ANKRD2: variants seen among roughly 807,000 people sequenced by gnomAD.
The protein encoded by ANKRD2 is ankyrin repeat domain-containing protein 2.
Under a neutral mutation model 37.3 loss-of-function variants are expected in ANKRD2, and 35 were observed. The ratio of observed to expected loss-of-function variants is 0.94; its 90% CI spans 0.72 to 1.24. The LOEUF (loss-of-function observed/expected upper bound fraction) is 1.24, where lower values mean the gene tolerates loss of function less well. Among genes scored for constraint, ANKRD2 ranks in the 50% most tolerant of loss-of-function variants. The probability of loss-of-function intolerance (pLI) is 0.00; values close to 1 mark genes in which losing one functional copy is unlikely to be tolerated. For synonymous variants in ANKRD2, 159 were observed against 186.5 expected, an observed-to-expected ratio of 0.85 and a Z score of 1.20; for missense variants, 410 against 445.6, an observed-to-expected ratio of 0.92 and a Z score of 0.72.
rs908442820 is a variant in ANKRD2 at position 97,578,325 on chromosome 10, G to T, written c.275G>T (p.Arg92Leu). 4 of 1,613,412 alleles carry T rather than the reference G, an allele frequency of 2.5e-6. No individual in the cohort carries two copies. Among genetic ancestry groups the T allele is most frequent in the African/African-American group, 2.7e-5 (2 of 74,994 alleles). ...GGGATCCAGAACCTCATCGAGCTGC[G>T]GAAGAAACGCAAGCAGAAGAAGCGG... ...VGGIQNLIEL[R>L]KKRKQKKRDA... Residue 92 changes from arginine to leucine, a missense_variant, in exon 3 of 9, where the codon CGG (arginine) becomes CTG (leucine). Arg to Leu is a moderately radical substitution (Grantham distance 102). Coordinates refer to ENST00000370655, the MANE Select transcript of ANKRD2 (RefSeq NM_001346793.2).
chr10:97,573,269 G>A (rs1328134763), intron 1 of ANKRD2, among the ~76,000 whole-genome samples: 3 of 152,152 alleles, frequency 2.0e-5, no homozygotes, highest in Admixed American at 6.5e-5. Flanking sequence ...TTTGGCCAGT[G>A]AAGAAGAGAG....
rs1431188953 is a variant in ANKRD2, at chr10:97,577,886, C to T, written c.174C>T (p.Ala58=). The T allele has an allele frequency of 6.4e-7, 1 of 1,565,084 alleles. No individual in the cohort carries two copies. The highest frequency in any genetic ancestry group is 8.7e-7 in the Non-Finnish European group (1 of 1,155,058). ...DEKHHGAQSA[A]LQKVKGQERV... is the part of the protein sequence containing the mutation. ...AGCACCACGGGGCTCAGAGTGCAGCCCTGCAGAAGGTGAAGGTAAGCCTGG... is the reference window on the plus strand; with the variant it reads ...AGCACCACGGGGCTCAGAGTGCAGCTCTGCAGAAGGTGAAGGTAAGCCTGG... Residue 58 remains alanine, a synonymous_variant, in exon 2 of 9, where the codon GCC becomes GCT. Transcript: ENST00000370655.
chr10:97,580,084 A>C (rs2040878139), intron 4 of ANKRD2, among the ~76,000 whole-genome samples: 1 of 152,156 alleles, frequency 6.6e-6, no homozygotes, highest in African/African-American at 2.4e-5. Flanking sequence ...TCTGTTCTTT[A>C]GACTCCAGAG....
intron 5 of ANKRD2, 65 bp from the exon 6 acceptor site, chr10:97,581,251 G>C: frequency 6.6e-7 from 1 of 1,519,146 alleles, no homozygotes; most frequent in Non-Finnish European, 9.1e-7. Context: ...CCTGGCTGGG[G>C]TACATTACCC....
chr10:97,581,907 G>T (rs796343094), intron 6 of ANKRD2, among the ~76,000 whole-genome samples: 4 of 152,268 alleles, frequency 2.6e-5, no homozygotes, highest in African/African-American at 9.6e-5. Context: ...GCTCATCTGT[G>T]AAATGTCTTG....
rs186171186 is a variant in ANKRD2 at position 97,582,736 on chromosome 10, C to T, written c.852+34C>T. 3.6e-5 allele frequency: 58 copies of T among 1,593,952 alleles called. No homozygotes were observed. In the East Asian group the frequency reaches 9.8e-4, roughly 27 times the overall value. The stretch of plus-strand genomic sequence containing the variant: ...ATTCCCTCCTTGATTCAGTCACTGG[C>T]GTGAGCACTCATACAGTGGAGGTGC... On this transcript the variant is annotated intron_variant, in intron 8 of 8. Coordinates refer to ENST00000370655, the MANE Select transcript of ANKRD2 (RefSeq NM_001346793.2).
At chr10:97,578,144 G>GGCCCCCCCCCCCCCCCCCCACCCC in intron 2 of ANKRD2, 96 bp from the exon 3 acceptor site, 1 of 685,446 alleles carries the variant, frequency 1.5e-6, no homozygotes, top group Non-Finnish European at 2.5e-6. Flanking sequence ...GGGTCTTCCT[G>GGCCCCCCCCCCCCCCCCCCACCCC]CCCACCCCAC....
Position 97,578,358 on chromosome 10 carries a change from T to A in ANKRD2, c.308T>A (p.Leu103Gln). Residue 103 changes from leucine to glutamine, a missense_variant, in exon 3 of 9, where the codon CTG becomes CAG. Coordinates refer to ENST00000370655, the MANE Select transcript of ANKRD2 (RefSeq NM_001346793.2). ...KKRKQKKRDA[L>Q]AASHEPPPEP... is the part of the protein sequence containing the mutation. ...CGCAAGCAGAAGAAGCGGGACGCTC[T>A]GGCCGCCTCGCATGAGCCGCCCCCA... The A allele has an allele frequency of 6.2e-7, 1 of 1,613,694 alleles. No individual in the cohort carries two copies. The highest frequency in any genetic ancestry group is 2.2e-5 in the East Asian group (1 of 44,826).
At chr10:97,576,759 C>T (rs4244325) in intron 1 of ANKRD2, among the ~76,000 whole-genome samples, 82,389 of 150,454 alleles carry the variant, frequency 0.55, 24,959 homozygotes, top group Non-Finnish European at 0.69. Context: ...TATAGTGGCA[C>T]GATCTTGGCT....
intron 4 of ANKRD2, 105 bp downstream of exon 4, chr10:97,578,710 G>A (rs1392802895): frequency 4.2e-5 from 37 of 878,296 alleles, no homozygotes; most frequent in Non-Finnish European, 5.6e-5. Flanking sequence ...AGGAGGCACC[G>A]GTGTTCTTTG....
intron 4 of ANKRD2, among the ~76,000 whole-genome samples, chr10:97,579,739 C>T (rs556019292): frequency 3.8e-4 from 58 of 152,146 alleles, no homozygotes; most frequent in African/African-American, 1.3e-3. Context: ...AGGCGCCCGC[C>T]ACCACACCCG....
chr10:97,582,486 C>T, intron 7 of ANKRD2, 73 bp downstream of exon 7: 2 of 1,576,028 alleles, frequency 1.3e-6, no homozygotes, highest in Non-Finnish European at 1.7e-6. Context: ...CAGGTGGTGT[C>T]CTTCCTCCTG....
chr10:97,576,668 T>TTTTTTTTATTTA (rs1554870572), intron 1 of ANKRD2, among the ~76,000 whole-genome samples: 3 of 140,466 alleles, frequency 2.1e-5, no homozygotes, highest in Non-Finnish European at 4.6e-5. Flanking sequence ...TTAAAACTTA[T>TTTTTTTTATTTA]TTTATTTATT....
rs145618289 is a variant in ANKRD2, at chr10:97,577,850, G to A, written c.138G>A (p.Leu46=). The A allele has an allele frequency of 1.7e-5, 26 of 1,574,370 alleles. No homozygotes were observed. The East Asian group carries it at 4.8e-4, about 29-fold the overall frequency. Residue 46 remains leucine (L), a synonymous_variant, in exon 2 of 9, where the codon CTG becomes CTA. Coordinates refer to ENST00000370655, the MANE Select transcript of ANKRD2 (RefSeq NM_001346793.2). Reference sequence around the variant, plus strand: ...AGCTGCCCATGGACTTGCTGGTGCTGGAGGATGAGAAGCACCACGGGGCTC... The same window carrying A: ...AGCTGCCCATGGACTTGCTGGTGCTAGAGGATGAGAAGCACCACGGGGCTC... The part of the protein sequence containing the change: ...RQKLPMDLLV[L]EDEKHHGAQS...
chr10:97,582,732 C>T (rs772977786), intron 8 of ANKRD2, 30 bp downstream of exon 8: 4 of 1,602,730 alleles, frequency 2.5e-6, no homozygotes, highest in South Asian at 2.2e-5. Context: ...GATTCAGTCA[C>T]TGGCGTGAGC....
intron 4 of ANKRD2, among the ~76,000 whole-genome samples, chr10:97,579,282 T>C (rs1225392853): frequency 6.6e-6 from 1 of 152,050 alleles, no homozygotes; most frequent in Admixed American, 6.5e-5. Context: ...TATGATATTT[T>C]TGTTTCTCAT....
chr10:97,580,821 A>G (rs767941555), intron 4 of ANKRD2, 34 bp from the exon 5 acceptor site: 4 of 1,542,964 alleles, frequency 2.6e-6, no homozygotes, highest in Non-Finnish European at 3.6e-6. Context: ...GCCTGGAGCC[A>G]GAGGCCAGGC....
chr10:97,583,801 G>A lies in ANKRD2; in HGVS notation c.*76G>A, dbSNP rs2040937733. Reference sequence around the variant, plus strand: ...GAGGGTCCTAAGAATGGCTCCCGGAGCTAACTGAGGGCCCAGCCTTTTTTC... The same window carrying A: ...GAGGGTCCTAAGAATGGCTCCCGGAACTAACTGAGGGCCCAGCCTTTTTTC... On this transcript the variant is annotated 3_prime_UTR_variant, in exon 9 of 9. Transcript: ENST00000370655. 4.3e-6 allele frequency: 6 copies of A among 1,393,936 alleles called. No individual in the cohort carries two copies. Among genetic ancestry groups the A allele is most frequent in the Non-Finnish European group, 5.6e-6 (6 of 1,067,084 alleles). The allele number at this position is 1,393,936 out of a possible 1,614,324, so 86.3% of individuals were successfully genotyped here.
intron 2 of ANKRD2, 55 bp from the exon 3 acceptor site, chr10:97,578,185 C>A (rs2040848989): frequency 1.9e-6 from 3 of 1,567,106 alleles, no homozygotes; most frequent in South Asian, 1.1e-5. Flanking sequence ...AGAGGTCTCC[C>A]AAGCCCCCCA....
Sources: gnomAD v4.1 joint callset for allele counts (sites outside exome capture counted in the v4.1 genomes callset) on GRCh38, gnomAD v4.1.1 for gene constraint, MANE v1.5 for transcripts, NCBI Gene and HGNC (gene_info 2026-07-23, HGNC 2026-07-21) for gene names.